STX8: variants seen among roughly 807,000 people sequenced by gnomAD.
The protein encoded by STX8 is syntaxin-8.
Under a neutral mutation model 37.5 loss-of-function variants are expected in STX8, and 23 were observed. The ratio of observed to expected loss-of-function variants is 0.61; its 90% CI spans 0.44 to 0.87. The LOEUF (loss-of-function observed/expected upper bound fraction) is 0.87. Ranked by LOEUF, STX8 falls within the 40% of genes least tolerant of loss-of-function variation. STX8 has a pLI of 0.00. For missense variants in STX8, 313 were observed against 284.7 expected (o/e 1.10, Z -0.71); for synonymous variants, 115 against 99.1 (o/e 1.16, Z -0.95).
intron 6 of STX8, among the ~76,000 whole-genome samples, chr17:9,391,722 A>G (rs7219641): frequency 0.25 from 36,650 of 146,808 alleles, 4,706 homozygotes; most frequent in African/African-American, 0.32. Flanking sequence ...GAGAGAGAGA[A>G]AAAAAAAAAG....
chr17:9,275,515 G>A (rs997867800), intron 7 of STX8, among the ~76,000 whole-genome samples: 1 of 152,104 alleles, frequency 6.6e-6, no homozygotes, highest in Non-Finnish European at 1.5e-5. Flanking sequence ...TCTAGCTACT[G>A]AACTTCCCAT....
At chr17:9,561,686 A>T (rs1352836486) in intron 2 of STX8, among the ~76,000 whole-genome samples, 9 of 126,866 alleles carry the variant, frequency 7.1e-5, no homozygotes, top group Admixed American at 2.4e-4. Flanking sequence ...AAAAAAAAAA[A>T]GAATAGATAT....
chr17:9,389,826 G>T (rs141901325), intron 6 of STX8, among the ~76,000 whole-genome samples: 1 of 152,004 alleles, frequency 6.6e-6, no homozygotes, highest in Admixed American at 6.6e-5. Flanking sequence ...AATTCCCTCC[G>T]TTCCCTATAA....
chr17:9,384,808 G>GTGTA (rs1911935412), intron 6 of STX8, among the ~76,000 whole-genome samples: 1 of 151,826 alleles, frequency 6.6e-6, no homozygotes, highest in Admixed American at 6.6e-5. Flanking sequence ...GTGTGTGTGT[G>GTGTA]TGTGTGTGTG....
chr17:9,542,019 T>C (rs1039285120), intron 4 of STX8, among the ~76,000 whole-genome samples: 8 of 144,024 alleles, frequency 5.6e-5, no homozygotes, highest in Non-Finnish European at 1.5e-5. Flanking sequence ...TTTTTTTTTT[T>C]CCATTCTCTC....
intron 6 of STX8, among the ~76,000 whole-genome samples, chr17:9,389,591 T>G (rs1912138962): frequency 6.6e-6 from 1 of 152,224 alleles, no homozygotes; most frequent in Admixed American, 6.5e-5. Flanking sequence ...TTCATCATTT[T>G]TCTACTCTCA....
chr17:9,490,608 G>A (rs987582114), intron 6 of STX8, among the ~76,000 whole-genome samples: 8 of 151,882 alleles, frequency 5.3e-5, no homozygotes, highest in African/African-American at 9.7e-5. Flanking sequence ...CTTGTAATCC[G>A]CCTGCCTCAG....
intron 7 of STX8, among the ~76,000 whole-genome samples, chr17:9,288,136 CAAACAAAA>C (rs1230830859): frequency 0.18 from 3,703 of 20,122 alleles, 55 homozygotes; most frequent in Non-Finnish European, 0.25. Context: ...AACAAACAAA[CAAACAAAA>C]AAAAAAAAAA....
At chr17:9,434,429 GAC>G (rs1398185429) in intron 6 of STX8, among the ~76,000 whole-genome samples, 1 of 152,256 alleles carries the variant, frequency 6.6e-6, no homozygotes, top group East Asian at 1.9e-4. Flanking sequence ...CAGAGGGGAA[GAC>G]AGAGTGGAAC....
intron 2 of STX8, among the ~76,000 whole-genome samples, chr17:9,566,295 C>CA (rs1264407551): frequency 1.3e-5 from 2 of 152,128 alleles, no homozygotes; most frequent in African/African-American, 4.8e-5. Context: ...ACTAAAAAGT[C>CA]AAAAAATAAC....
chr17:9,331,802 T>C (rs1305952773), intron 7 of STX8, among the ~76,000 whole-genome samples: 1 of 152,132 alleles, frequency 6.6e-6, no homozygotes, highest in African/African-American at 2.4e-5. Context: ...CCTTTTTCCT[T>C]CTGCAATTCT....
At chr17:9,339,221 G>T (rs1377929292) in intron 7 of STX8, among the ~76,000 whole-genome samples, 1 of 152,184 alleles carries the variant, frequency 6.6e-6, no homozygotes, top group African/African-American at 2.4e-5. Flanking sequence ...TTGGCATGCG[G>T]CTGCTCAGGG....
intron 7 of STX8, among the ~76,000 whole-genome samples, chr17:9,355,324 T>C (rs1910839476): frequency 6.6e-6 from 1 of 150,676 alleles, no homozygotes; most frequent in Admixed American, 6.7e-5. Flanking sequence ...TGGTTCTACT[T>C]TGTGGAACTT....
In STX8 at chr17:9,254,685, C is replaced by T. The variant is rs546096381; in HGVS notation, c.644-4040G>A. Among the ~76,000 whole-genome samples the T allele has an allele frequency of 3.1e-4, 47 of 152,176 alleles. No homozygotes were observed. The South Asian group carries it at 3.3e-3, about 11-fold the overall frequency. On this transcript the variant is annotated intron_variant, in intron 7 of 7. Coordinates refer to ENST00000306357, the MANE Select transcript of STX8 (RefSeq NM_004853.3). ...TGCTGGGATTACAGGCGTGAGCCACCGCGCCCGGCCTTGAATCATTATTTA... is the reference window on the plus strand; with the variant it reads ...TGCTGGGATTACAGGCGTGAGCCACTGCGCCCGGCCTTGAATCATTATTTA...
intron 6 of STX8, among the ~76,000 whole-genome samples, chr17:9,449,947 C>T (rs1415959367): frequency 6.6e-6 from 1 of 151,294 alleles, no homozygotes; most frequent in Non-Finnish European, 1.5e-5. Flanking sequence ...AGTGAGGCCC[C>T]GTCTCAAAAA....
intron 7 of STX8, among the ~76,000 whole-genome samples, chr17:9,367,024 G>A (rs1911249624): frequency 6.6e-6 from 1 of 152,162 alleles, no homozygotes. Flanking sequence ...CACTAATAAG[G>A]TTGGGGTGGG....
At chr17:9,546,535 T>A in intron 3 of STX8, among the ~76,000 whole-genome samples, 1 of 149,620 alleles carries the variant, frequency 6.7e-6, no homozygotes, top group Middle Eastern at 3.2e-3. Context: ...GCCACTTCCC[T>A]TGGACTAAGT....
intron 4 of STX8, among the ~76,000 whole-genome samples, chr17:9,541,623 A>G (rs916239696): frequency 7.9e-5 from 12 of 152,196 alleles, no homozygotes; most frequent in African/African-American, 2.7e-4. Flanking sequence ...CTAGAAAGCT[A>G]CAGAACTGGG....
chr17:9,367,783 T>G (rs1197877045), intron 7 of STX8, among the ~76,000 whole-genome samples: 1 of 152,110 alleles, frequency 6.6e-6, no homozygotes, highest in African/African-American at 2.4e-5. Flanking sequence ...CAGGCTGGAG[T>G]GCAGTGGTAG....
Sources: allele counts gnomAD v4.1 joint callset (sites outside exome capture counted in the v4.1 genomes callset), GRCh38; gene constraint gnomAD v4.1.1; transcripts MANE v1.5; gene names NCBI Gene and HGNC (gene_info 2026-07-23, HGNC 2026-07-21).